The following GLIS3 variants were observed in gnomAD, a reference collection of about 807,000 sequenced individuals.
The protein encoded by GLIS3 is zinc finger protein GLIS3.
A neutral mutation model predicts 78.6 loss-of-function variants in GLIS3; 53 were observed. The ratio of observed to expected loss-of-function variants is 0.67; its 90% confidence interval spans 0.54 to 0.85. GLIS3 has a LOEUF of 0.85. Ranked by LOEUF, GLIS3 falls within the 40% of genes least tolerant of loss-of-function variation. GLIS3 has a pLI of 0.00. For missense variants in GLIS3, 1,703 were observed against 1,231.1 expected (o/e 1.38, Z -5.74); for synonymous variants, 684 against 509.9 (o/e 1.34, Z -4.60).
chr9:4,094,434 C>T lies in GLIS3; in HGVS notation c.1710+23334G>A, dbSNP rs372960826. Among the ~76,000 whole-genome samples the T allele has an allele frequency of 8.4e-4, 128 of 152,198 alleles. 1 individual carries two copies. The South Asian group carries it at 0.017, about 20-fold the overall frequency. Reference sequence around the variant, plus strand: ...CTAAATAAAATATACTTACTAGTTGCTATTTTTAGAGACAGGTTACGTGCC... The same window carrying T: ...CTAAATAAAATATACTTACTAGTTGTTATTTTTAGAGACAGGTTACGTGCC... On this transcript the variant is annotated intron_variant, in intron 4 of 10. Transcript: ENST00000381971.
At chr9:4,106,263 C>T (rs1342906713) in intron 4 of GLIS3, among the ~76,000 whole-genome samples, 1 of 152,152 alleles carries the variant, frequency 6.6e-6, no homozygotes, top group South Asian at 2.1e-4. Context: ...TTTCATTACA[C>T]AAAAGCAGCT....
At chr9:3,957,810 C>G (rs918922563) in intron 4 of GLIS3, among the ~76,000 whole-genome samples, 2 of 152,152 alleles carry the variant, frequency 1.3e-5, no homozygotes, top group African/African-American at 4.8e-5. Context: ...TTTATATCAT[C>G]TGCTCAGATT....
chr9:4,118,096 G>C lies in GLIS3; in HGVS notation c.1382C>G (p.Pro461Arg). 2 of 1,558,020 alleles carry C rather than the reference G, an allele frequency of 1.3e-6. No individual in the cohort carries two copies. Among genetic ancestry groups the C allele is most frequent in the Non-Finnish European group, 1.7e-6 (2 of 1,150,728 alleles). ...GTGAAGGTGCGCATGGGCATGGTAAGGGGGTGGGGGGCCTGGGGGCGGCGG... is the reference window on the plus strand; with the variant it reads ...GTGAAGGTGCGCATGGGCATGGTAACGGGGTGGGGGGCCTGGGGGCGGCGG... The part of the protein sequence containing the change: ...PLPPPPGPPP[P>R]YHAHAHLHHP... The change falls in exon 4 of 11, where the codon CCT (proline) becomes CGT (arginine). Residue 461 changes from proline (P) to arginine (R), a missense_variant. Pro to Arg is a moderately radical substitution (Grantham distance 103). Transcript: ENST00000381971. This position sits in a 1 kb window ranked among gnomAD's most constrained non-coding sequence, Gnocchi z 4.7.
chr9:3,855,976 C>A lies in GLIS3; in HGVS notation c.2473+33G>T, dbSNP rs184706469. ...AAAGCAACAGCACAATGTCACTTTT[C>A]AAAACTCAAGGGACTGCCAGCTTCT... is the stretch of plus-strand genomic sequence containing the variant. On this transcript the variant is annotated intron_variant, in intron 9 of 10. Transcript: ENST00000381971. 182 of 1,612,510 alleles carry A rather than the reference C, an allele frequency of 1.1e-4. 1 individual carries two copies. In the Admixed American group the frequency reaches 2.9e-3, roughly 26 times the overall value.
At chr9:4,421,924 T>C in the GLIS3 span, among the ~76,000 whole-genome samples, 4 of 152,194 alleles carry the variant, frequency 2.6e-5, no homozygotes, top group Admixed American at 2.6e-4. Flanking sequence ...AACAATCAGA[T>C]GTTTATTTTC....
At chr9:4,161,553 G>C (rs1397225021) in intron 2 of GLIS3, among the ~76,000 whole-genome samples, 7 of 151,990 alleles carry the variant, frequency 4.6e-5, no homozygotes, top group Admixed American at 6.6e-5. Flanking sequence ...AGTTATTATG[G>C]TAAGAAGCAG....
chr9:4,397,960 C>T, the GLIS3 span, among the ~76,000 whole-genome samples: 3 of 152,036 alleles, frequency 2.0e-5, no homozygotes, highest in Non-Finnish European at 4.4e-5. Flanking sequence ...TCACACTGTT[C>T]CCCGTCTCCT....
intron 2 of GLIS3, among the ~76,000 whole-genome samples, chr9:4,330,891 C>T (rs549516445): frequency 6.6e-6 from 1 of 152,242 alleles, no homozygotes; most frequent in African/African-American, 2.4e-5. Context: ...ATCACCTTTG[C>T]CATTAGAGCA....
At chr9:4,103,288 G>A (rs1413825462) in intron 4 of GLIS3, among the ~76,000 whole-genome samples, 1 of 152,022 alleles carries the variant, frequency 6.6e-6, no homozygotes, top group Admixed American at 6.6e-5. Flanking sequence ...CAGCACAGGA[G>A]CCTTGAACAT....
intron 4 of GLIS3, among the ~76,000 whole-genome samples, chr9:4,070,195 C>T (rs1041116738): frequency 1.1e-4 from 17 of 152,100 alleles, no homozygotes; most frequent in African/African-American, 2.6e-4. Context: ...ATAGTATTTC[C>T]GATTCTTCAA....
intron 2 of GLIS3, among the ~76,000 whole-genome samples, chr9:4,279,403 G>A (rs1827347468): frequency 7.1e-6 from 1 of 141,328 alleles, no homozygotes; most frequent in South Asian, 2.2e-4. Context: ...ATATATATCA[G>A]CGTTTTTTTT....
At chr9:4,368,928 T>C in the GLIS3 span, among the ~76,000 whole-genome samples, 1 of 152,204 alleles carries the variant, frequency 6.6e-6, no homozygotes, top group African/African-American at 2.4e-5. Context: ...ATGAGAATAA[T>C]CTAAACCTGG....
At chr9:4,290,828 G>A (rs1016488813) in intron 1 of GLIS3, among the ~76,000 whole-genome samples, 3 of 152,116 alleles carry the variant, frequency 2.0e-5, no homozygotes, top group Non-Finnish European at 2.9e-5. Context: ...AGAGGAAAGT[G>A]CAAACATGTG....
At chr9:4,030,542 A>T (rs1266614156) in intron 4 of GLIS3, among the ~76,000 whole-genome samples, 1 of 152,170 alleles carries the variant, frequency 6.6e-6, no homozygotes, top group African/African-American at 2.4e-5. Context: ...ACTTTCCCCC[A>T]TGTTTTCTTG....
chr9:4,473,882 A>G, the GLIS3 span, among the ~76,000 whole-genome samples: 1 of 152,198 alleles, frequency 6.6e-6, no homozygotes, highest in Admixed American at 6.5e-5. Flanking sequence ...AAGATGCACA[A>G]GACCTGTATG....
chr9:3,855,766 GA>G, intron 9 of GLIS3: 1 of 504,868 alleles, frequency 2.0e-6, no homozygotes, highest in Non-Finnish European at 3.6e-6. Context: ...CCTGGCCAAT[GA>G]AAAAACCAGC....
intron 8 of GLIS3, among the ~76,000 whole-genome samples, chr9:3,856,678 A>T (rs10814699): frequency 1.3e-5 from 2 of 152,218 alleles, no homozygotes; most frequent in Admixed American, 1.3e-4. Context: ...CTCTAATCCT[A>T]TTCTCTTTGA....
the GLIS3 span, among the ~76,000 whole-genome samples, chr9:4,471,841 T>G: frequency 6.6e-6 from 1 of 152,026 alleles, no homozygotes; most frequent in East Asian, 1.9e-4. Context: ...GGGAGAAAAT[T>G]TTTGCAATCT....
the GLIS3 span, among the ~76,000 whole-genome samples, chr9:4,454,189 G>T: frequency 5.4e-5 from 8 of 148,528 alleles, no homozygotes; most frequent in Non-Finnish European, 1.2e-4. Flanking sequence ...AAAAAAACCA[G>T]AGACAGGGTA....
Sources: gnomAD v4.1 joint callset for allele counts (sites outside exome capture counted in the v4.1 genomes callset) on GRCh38, gnomAD v4.1.1 for gene constraint, Gnocchi (gnomAD v3.1) non-coding constraint, MANE v1.5 for transcripts, NCBI Gene and HGNC (gene_info 2026-07-23, HGNC 2026-07-21) for gene names.